DNAJC7: variants seen among roughly 807,000 people sequenced by gnomAD.
The protein encoded by DNAJC7 is dnaJ homolog subfamily C member 7.
In DNAJC7, 18 loss-of-function variants were observed where a neutral mutation model predicts 67.4. The observed-to-expected ratio is 0.27, with a 90% CI of 0.18 to 0.40. DNAJC7 has a LOEUF of 0.40. Ranked by LOEUF, DNAJC7 falls within the 10% of genes least tolerant of loss-of-function variation. DNAJC7 has a pLI of 1.00. For synonymous variants in DNAJC7, 220 were observed against 207.8 expected, an observed-to-expected ratio of 1.06 and a Z score of -0.50; for missense variants, 419 against 613.8, an observed-to-expected ratio of 0.68 and a Z score of 3.35.
intron 11 of DNAJC7, 37 bp from the exon 12 acceptor site, chr17:41,982,044 C>A: frequency 6.3e-7 from 1 of 1,589,818 alleles, no homozygotes; most frequent in South Asian, 1.2e-5. Flanking sequence ...CAGTGGAAAT[C>A]AAAGTTTCAA....
chr17:42,006,312 C>G (rs2051953294), intron 1 of DNAJC7, among the ~76,000 whole-genome samples: 1 of 151,856 alleles, frequency 6.6e-6, no homozygotes, highest in Non-Finnish European at 1.5e-5. Context: ...CGCCACCACG[C>G]CTGGCCAATT....
intron 2 of DNAJC7, among the ~76,000 whole-genome samples, chr17:41,998,969 T>G (rs2051732583): frequency 6.6e-6 from 1 of 152,118 alleles, no homozygotes. Context: ...GAGGATCGCT[T>G]GAGCCCAGGA....
chr17:41,995,413 C>T (rs2051629826), intron 4 of DNAJC7, among the ~76,000 whole-genome samples: 1 of 152,214 alleles, frequency 6.6e-6, no homozygotes, highest in Admixed American at 6.5e-5. Flanking sequence ...GAGATTCTCA[C>T]TGAAATGCAT....
At chr17:42,005,885 C>T (rs1420238259) in intron 1 of DNAJC7, among the ~76,000 whole-genome samples, 2 of 151,072 alleles carry the variant, frequency 1.3e-5, no homozygotes, top group Non-Finnish European at 3.0e-5. Context: ...GGATTACAGG[C>T]ACACGCCACC....
chr17:41,977,466 C>T (rs2051119934), intron 12 of DNAJC7, 143 bp from the exon 13 acceptor site: 4 of 710,720 alleles, frequency 5.6e-6, no homozygotes. Context: ...CTTCAGACTG[C>T]AAGTGAGCAA....
chr17:42,013,940 T>G (rs2052189854), intron 1 of DNAJC7: 1 of 151,558 alleles, frequency 6.6e-6, no homozygotes, highest in Non-Finnish European at 1.5e-5. Flanking sequence ...GCTACAGGCA[T>G]GCACCGCCAT....
intron 12 of DNAJC7, chr17:41,977,580 T>A (rs2051124822): frequency 2.8e-6 from 1 of 361,582 alleles, no homozygotes; most frequent in African/African-American, 2.1e-5. Context: ...CTGCTTCAGC[T>A]TGCTTCATTG....
At chr17:41,986,806 G>T (rs2051395140) in intron 9 of DNAJC7, among the ~76,000 whole-genome samples, 1 of 152,130 alleles carries the variant, frequency 6.6e-6, no homozygotes, top group South Asian at 2.1e-4. Context: ...CACAGCAGCA[G>T]TTTTCCTATT....
At chr17:41,994,979 TGAA>T in intron 4 of DNAJC7, 35 bp from the exon 5 acceptor site, 1 of 1,588,624 alleles carries the variant, frequency 6.3e-7, no homozygotes, top group Non-Finnish European at 8.6e-7. Context: ...AAAGTTTTAA[TGAA>T]GCTGTAGATT....
intron 7 of DNAJC7, 93 bp downstream of exon 7, chr17:41,989,311 C>T (rs969770223): frequency 1.5e-5 from 22 of 1,499,268 alleles, no homozygotes; most frequent in African/African-American, 4.2e-5. Context: ...AAAGCTATCA[C>T]ATTCCTTGTG....
rs539635932 is a variant in DNAJC7 at position 41,982,112 on chromosome 17, C to T, written c.1232-105G>A. The T allele has an allele frequency of 9.7e-6, 15 of 1,554,288 alleles. No individual in the cohort carries two copies. The East Asian group carries it at 2.7e-4, about 28-fold the overall frequency. On this transcript the variant is annotated intron_variant, in intron 11 of 13. Transcript: ENST00000457167. ...GTCTAATTTTGGAATTTGGCACTTC[C>T]CAAAATTTGGAGGGTCCACAAGTCT...
intron 13 of DNAJC7, 23 bp downstream of exon 13, chr17:41,977,238 C>G: frequency 6.4e-7 from 1 of 1,571,520 alleles, no homozygotes; most frequent in Non-Finnish European, 8.6e-7. Context: ...CTGGGAACTC[C>G]CAAGAACAGC....
intron 1 of DNAJC7, among the ~76,000 whole-genome samples, chr17:42,010,467 G>C (rs2052087821): frequency 6.6e-6 from 1 of 152,166 alleles, no homozygotes; most frequent in Non-Finnish European, 1.5e-5. Context: ...ACTCCAGCCT[G>C]GGCAACAAGA....
Position 41,996,427 on chromosome 17 carries a change from A to G in DNAJC7, c.292-3T>C, listed in dbSNP as rs1179746780. 1 of 1,610,518 alleles carries G rather than the reference A, an allele frequency of 6.2e-7. No individual in the cohort carries two copies. Among genetic ancestry groups the G allele is most frequent in the Non-Finnish European group, 8.5e-7 (1 of 1,178,780 alleles). ...CACTTGCCCTCTCGTAGATGTCCCTAAAAGAACACCAAGAGGGAAGAAAAG... is the reference window on the plus strand; with the variant it reads ...CACTTGCCCTCTCGTAGATGTCCCTGAAAGAACACCAAGAGGGAAGAAAAG... On this transcript the variant is annotated splice_region_variant and splice_polypyrimidine_tract_variant and intron_variant, in intron 3 of 13. Coordinates refer to ENST00000457167, the MANE Select transcript of DNAJC7 (RefSeq NM_003315.4).
intron 12 of DNAJC7, among the ~76,000 whole-genome samples, chr17:41,980,061 T>A (rs2051207778): frequency 6.6e-6 from 1 of 151,110 alleles, no homozygotes; most frequent in Admixed American, 6.6e-5. Context: ...TCTTTTTTTT[T>A]TTTTTTTTGA....
At chr17:42,008,373 A>G (rs1487989248) in intron 1 of DNAJC7, among the ~76,000 whole-genome samples, 2 of 151,650 alleles carry the variant, frequency 1.3e-5, no homozygotes, top group South Asian at 2.1e-4. Flanking sequence ...TTTCACATAG[A>G]TAAGTGGAAG....
At position 41,990,791 on chromosome 17, in the gene DNAJC7, C is replaced by T. The variant is rs112072769; in HGVS notation, c.481-409G>A. On this transcript the variant is annotated intron_variant, in intron 5 of 13. Transcript: ENST00000457167. Reference sequence around the variant, plus strand: ...ACGCCATTCTCCTGCCTCAGCCTCCCGAGTAGCTGGGACTACAGGCGCCCG... The same window carrying T: ...ACGCCATTCTCCTGCCTCAGCCTCCTGAGTAGCTGGGACTACAGGCGCCCG... Among the ~76,000 whole-genome samples, 902 of 151,984 alleles carry T rather than the reference C, an allele frequency of 5.9e-3. 5 individuals are homozygous for T. The highest frequency in any genetic ancestry group is 0.021 in the African/African-American group (869 of 41,442).
At chr17:41,994,395 A>G (rs1455773797) in intron 5 of DNAJC7, among the ~76,000 whole-genome samples, 1 of 150,530 alleles carries the variant, frequency 6.6e-6, no homozygotes, top group African/African-American at 2.4e-5. Context: ...AAACTTAGCC[A>G]GGTGTGATGG....
intron 5 of DNAJC7, among the ~76,000 whole-genome samples, chr17:41,994,204 C>T (rs1190569111): frequency 3.0e-4 from 45 of 151,790 alleles, no homozygotes; most frequent in African/African-American, 1.0e-3. Flanking sequence ...GGCGTGGTGG[C>T]GCATGCCTAT....
Sources: allele counts gnomAD v4.1 joint callset (sites outside exome capture counted in the v4.1 genomes callset), GRCh38; gene constraint gnomAD v4.1.1; transcripts MANE v1.5; gene names NCBI Gene and HGNC (gene_info 2026-07-23, HGNC 2026-07-21).